The following PI4K2B variants were observed in gnomAD, a reference collection of about 807,000 sequenced individuals.
PI4K2B encodes phosphatidylinositol 4-kinase type 2-beta.
PI4K2B carries 46 observed loss-of-function variants against 56.6 expected under a neutral mutation model. The ratio of observed to expected loss-of-function variants is 0.81; its 90% confidence interval spans 0.64 to 1.04. The LOEUF (loss-of-function observed/expected upper bound fraction) is 1.04, where lower values mean the gene tolerates loss of function less well. Ranked by LOEUF, PI4K2B falls within the 50% of genes least tolerant of loss-of-function variation. The pLI, the probability that PI4K2B is intolerant of heterozygous loss-of-function variation, is 0.00. For missense variants in PI4K2B, 556 were observed against 607.7 expected, an observed-to-expected ratio of 0.91 and a Z score of 0.89; for synonymous variants, 211 against 223.8, an observed-to-expected ratio of 0.94 and a Z score of 0.51.
In PI4K2B at chr4:25,277,169, A is replaced by AT; in HGVS notation, c.1435dup (p.Ser479PhefsTer21). The AT allele has an allele frequency of 6.2e-7, 1 of 1,612,354 alleles. No homozygotes were observed. ...CCCAGACTGTCAATTGCAGGAAGCC[A>AT]TTTTTTTCCTCCTGGTAGTAAATGT... On this transcript the variant is annotated frameshift_variant, in exon 10 of 10. Transcript: ENST00000264864. LOFTEE classifies it high-confidence loss of function.
intron 9 of PI4K2B, among the ~76,000 whole-genome samples, chr4:25,274,681 C>T (rs992698236): frequency 5.9e-5 from 9 of 152,150 alleles, no homozygotes; most frequent in Non-Finnish European, 1.3e-4. Context: ...GCAGGATTAT[C>T]AAGTGTCTTC....
At chr4:25,263,473 A>C (rs746528812) in intron 6 of PI4K2B, among the ~76,000 whole-genome samples, 1 of 152,206 alleles carries the variant, frequency 6.6e-6, no homozygotes, top group Non-Finnish European at 1.5e-5. Context: ...TTTTAAAGTC[A>C]CAATATTTTC....
chr4:25,269,804 C>T (rs1716808443), intron 9 of PI4K2B, among the ~76,000 whole-genome samples: 1 of 151,704 alleles, frequency 6.6e-6, no homozygotes, highest in Non-Finnish European at 1.5e-5. Context: ...AGCTCCGCCT[C>T]CCAGGTTCAT....
intron 5 of PI4K2B, 115 bp downstream of exon 5, chr4:25,259,305 T>C (rs1716368207): frequency 2.9e-6 from 2 of 694,122 alleles, no homozygotes; most frequent in Admixed American, 5.5e-5. Context: ...CCACTTTCTC[T>C]GTCTGTCTTG....
chr4:25,261,101 G>C (rs1054923926), intron 6 of PI4K2B, among the ~76,000 whole-genome samples: 6 of 151,774 alleles, frequency 4.0e-5, no homozygotes, highest in African/African-American at 1.5e-4. Context: ...CTTTTTTAGA[G>C]TTTGAGAAAT....
At chr4:25,264,199 C>T (rs1416962499) in intron 7 of PI4K2B, among the ~76,000 whole-genome samples, 1 of 152,070 alleles carries the variant, frequency 6.6e-6, no homozygotes, top group Non-Finnish European at 1.5e-5. Flanking sequence ...CAATTTAGGC[C>T]TGCCCTCCAC....
chr4:25,270,080 A>C (rs1716822975), intron 9 of PI4K2B, among the ~76,000 whole-genome samples: 1 of 152,116 alleles, frequency 6.6e-6, no homozygotes, highest in African/African-American at 2.4e-5. Flanking sequence ...CCTGCTATGA[A>C]TTGTTTGTCC....
At chr4:25,242,825 A>T (rs940403594) in intron 1 of PI4K2B, among the ~76,000 whole-genome samples, 1 of 152,202 alleles carries the variant, frequency 6.6e-6, no homozygotes, top group African/African-American at 2.4e-5. Flanking sequence ...TGTCCTTCCA[A>T]TGCCCAGACT....
intron 1 of PI4K2B, among the ~76,000 whole-genome samples, chr4:25,234,802 A>G (rs944954172): frequency 7.9e-5 from 12 of 152,234 alleles, no homozygotes; most frequent in African/African-American, 2.9e-4. Context: ...ACTCTCAGGA[A>G]AGTTCCCGGA....
chr4:25,257,956 G>A (rs541942881), intron 4 of PI4K2B, among the ~76,000 whole-genome samples: 13 of 152,294 alleles, frequency 8.5e-5, no homozygotes, highest in African/African-American at 2.6e-4. Flanking sequence ...GATTTTCTTT[G>A]TGGTGATTTG....
At chr4:25,246,799 T>C (rs1427715467) in intron 1 of PI4K2B, among the ~76,000 whole-genome samples, 2 of 152,092 alleles carry the variant, frequency 1.3e-5, no homozygotes, top group East Asian at 1.9e-4. Flanking sequence ...CTGCGAGAAA[T>C]TGAGCGCAGC....
At chr4:25,245,727 G>C (rs1436601964) in intron 1 of PI4K2B, among the ~76,000 whole-genome samples, 2 of 152,162 alleles carry the variant, frequency 1.3e-5, no homozygotes, top group African/African-American at 4.8e-5. Flanking sequence ...GGGTCCGATG[G>C]CACTCACTGC....
intron 1 of PI4K2B, among the ~76,000 whole-genome samples, chr4:25,239,672 G>T (rs549068750): frequency 6.5e-4 from 99 of 152,344 alleles, no homozygotes; most frequent in Non-Finnish European, 2.4e-4. Context: ...GTCCAGAAAG[G>T]GGCTCCCACA....
chr4:25,235,555 G>C (rs966151980), intron 1 of PI4K2B, among the ~76,000 whole-genome samples: 3 of 152,204 alleles, frequency 2.0e-5, no homozygotes, highest in Non-Finnish European at 4.4e-5. Flanking sequence ...GATTGTTTAA[G>C]CTTTAACCAA....
intron 1 of PI4K2B, among the ~76,000 whole-genome samples, chr4:25,244,953 G>C (rs2109088436): frequency 6.6e-6 from 1 of 152,306 alleles, no homozygotes; most frequent in African/African-American, 2.4e-5. Flanking sequence ...GTCCTATAAA[G>C]ATGTTATGCC....
chr4:25,261,855 C>T (rs1474051937), intron 6 of PI4K2B, among the ~76,000 whole-genome samples: 1 of 152,128 alleles, frequency 6.6e-6, no homozygotes, highest in Non-Finnish European at 1.5e-5. Flanking sequence ...TGTCAAGGCT[C>T]ATCACATTGT....
At chr4:25,255,970 G>A (rs933882093) in intron 3 of PI4K2B, among the ~76,000 whole-genome samples, 2 of 151,702 alleles carry the variant, frequency 1.3e-5, no homozygotes, top group African/African-American at 4.8e-5. Context: ...CCAGGCTGGA[G>A]TATAGGGATG....
At chr4:25,241,212 C>T (rs1001743389) in intron 1 of PI4K2B, among the ~76,000 whole-genome samples, 1 of 152,218 alleles carries the variant, frequency 6.6e-6, no homozygotes, top group Non-Finnish European at 1.5e-5. Flanking sequence ...TTCTTTTTCC[C>T]TTTCCCAGTT....
At chr4:25,244,412 A>G (rs1715671955) in intron 1 of PI4K2B, among the ~76,000 whole-genome samples, 1 of 152,166 alleles carries the variant, frequency 6.6e-6, no homozygotes, top group Non-Finnish European at 1.5e-5. Flanking sequence ...ATTCTCCCTC[A>G]ATGAAAAGAA....
Sources: gnomAD v4.1 joint callset for allele counts (sites outside exome capture counted in the v4.1 genomes callset) on GRCh38, gnomAD v4.1.1 for gene constraint, MANE v1.5 for transcripts, NCBI Gene and HGNC (gene_info 2026-07-23, HGNC 2026-07-21) for gene names.